MEIS3: variants seen among roughly 807,000 people sequenced by gnomAD.
MEIS3 encodes the protein Meis homeobox 3, also known as homeobox protein Meis3.
A neutral mutation model predicts 51.4 loss-of-function variants in MEIS3; 38 were observed. That is an observed-to-expected ratio of 0.74 (90% confidence interval 0.57 to 0.97). The LOEUF (loss-of-function observed/expected upper bound fraction) is 0.97. Among genes scored for constraint, MEIS3 ranks in the 50% least tolerant of loss-of-function variants. MEIS3 has a pLI of 0.00. For synonymous variants in MEIS3, 198 were observed against 201.8 expected (o/e 0.98, Z 0.16); for missense variants, 456 against 502.6 (o/e 0.91, Z 0.89).
rs1416258099 is a variant in MEIS3, at chr19:47,407,443, AAG to A, written c.859-17_859-16del. ...GGGTACGGGTGCTGCAGCCACCAGC[AAG>A]AGTCACTCTGCCTGCCTGGCCGGCC... On this transcript the variant is annotated splice_polypyrimidine_tract_variant and intron_variant, in intron 8 of 12. Transcript: ENST00000558555. 3 of 1,613,762 alleles carry A rather than the reference AAG, an allele frequency of 1.9e-6. No homozygotes were observed. The highest frequency in any genetic ancestry group is 1.7e-6 in the Non-Finnish European group (2 of 1,179,914).
Position 47,417,356 on chromosome 19 carries a change from G to C in MEIS3, c.13-6C>G, listed in dbSNP as rs761939278. On this transcript the variant is annotated splice_region_variant and splice_polypyrimidine_tract_variant and intron_variant, in intron 1 of 12. Coordinates refer to ENST00000558555, the MANE Select transcript of MEIS3 (RefSeq NM_001301059.2). ...TAGTGCGGCAGCTCATCATACTGGG[G>C]GAAGGTGAGAAGAGAAGGGCGGAGC... is the stretch of plus-strand genomic sequence containing the variant. 1.2e-6 allele frequency: 2 copies of C among 1,613,232 alleles called. No homozygotes were observed. The highest frequency in any genetic ancestry group is 1.7e-6 in the Non-Finnish European group (2 of 1,179,678).
rs745368670 is a variant in MEIS3 at position 47,409,128 on chromosome 19, T to A, written c.829A>T (p.Met277Leu). The change falls in exon 8 of 13, where the codon ATG becomes TTG. Residue 277 changes from methionine to leucine, a missense_variant. Met to Leu is a conservative substitution (Grantham distance 15). Transcript: ENST00000558555. ...GIFPKVATNIMRAWLFQHLSH... is the reference protein window; with the variant it reads ...GIFPKVATNILRAWLFQHLSH... ...AGGTGCTGGAACAACCAGGCTCGCA[T>A]GATGTTGGTGGCCACCTTGGGGAAG... 9.3e-6 allele frequency: 15 copies of A among 1,611,346 alleles called. No individual in the cohort carries two copies. In the South Asian group the frequency reaches 1.6e-4, roughly 18 times the overall value.
intron 8 of MEIS3, among the ~76,000 whole-genome samples, chr19:47,408,115 ATTTC>A (rs1301517870): frequency 2.7e-5 from 4 of 148,002 alleles, no homozygotes; most frequent in Admixed American, 6.7e-5. Context: ...CTCCCTATCC[ATTTC>A]TTTCTTTCTC....
chr19:47,414,212 A>G (rs943417003), intron 6 of MEIS3, among the ~76,000 whole-genome samples: 3 of 151,848 alleles, frequency 2.0e-5, no homozygotes, highest in African/African-American at 7.3e-5. Context: ...TCCGGGCCCA[A>G]GTGTGGTTAT....
Position 47,417,219 on chromosome 19 carries a change from C to G in MEIS3, c.144G>C (p.Leu48Phe). 2 of 1,582,706 alleles carry G rather than the reference C, an allele frequency of 1.3e-6. No individual in the cohort carries two copies. Among genetic ancestry groups the G allele is most frequent in the Non-Finnish European group, 1.7e-6 (2 of 1,166,634 alleles). ...HRPPQPLPPG[L>F]DSDGLKREKD... is the part of the protein sequence containing the mutation. ...TCTCCCTCTTCAGGCCGTCGCTGTC[C>G]AAGCCTGGGGGCAGGGGCTGGGGAG... is the stretch of plus-strand genomic sequence containing the variant. The change falls in exon 2 of 13, where the codon TTG (leucine) becomes TTC (phenylalanine). Residue 48 changes from leucine (L) to phenylalanine (F), a missense_variant. By Grantham distance (22) the Leu-to-Phe change is conservative. Transcript: ENST00000558555.
intron 5 of MEIS3, 35 bp downstream of exon 5, chr19:47,415,016 G>A (rs1971335811): frequency 2.6e-6 from 4 of 1,530,264 alleles, no homozygotes; most frequent in Admixed American, 2.0e-5. Context: ...GATGACAGGG[G>A]CAAGTGAGGG....
chr19:47,414,932 G>C, intron 5 of MEIS3, 66 bp from the exon 6 acceptor site: 1 of 1,206,666 alleles, frequency 8.3e-7, no homozygotes, highest in Non-Finnish European at 1.2e-6. Flanking sequence ...CTCAGGGACG[G>C]GGGCGGCATT....
intron 11 of MEIS3, 40 bp from the exon 12 acceptor site, chr19:47,406,566 G>C: frequency 6.2e-7 from 1 of 1,602,800 alleles, no homozygotes; most frequent in Non-Finnish European, 8.5e-7. Context: ...GCGTCTTTCA[G>C]AGACACCCCC....
chr19:47,418,365 T>G (rs1006506747), intron 1 of MEIS3: 1 of 153,236 alleles, frequency 6.5e-6, no homozygotes, highest in African/African-American at 2.4e-5. Flanking sequence ...ACTTCTCCTG[T>G]GCCCTGAAGT....
At position 47,409,556 on chromosome 19, in the gene MEIS3, CA is replaced by C. The variant is rs1421608017; in HGVS notation, c.598-10del. On this transcript the variant is annotated splice_polypyrimidine_tract_variant and intron_variant, in intron 6 of 12. Transcript: ENST00000558555. ...CGAATCCACATATTATTCTAGAAAA[CA>C]AGAGTTAGAAGTTAGTGCCAAGGCG... 1 of 1,609,050 alleles carries C rather than the reference CA, an allele frequency of 6.2e-7. No homozygotes were observed. The highest frequency in any genetic ancestry group is 8.5e-7 in the Non-Finnish European group (1 of 1,175,516).
chr19:47,420,880 TCTCTGTCTCTCG>T (rs537368848), upstream of MEIS3, among the ~76,000 whole-genome samples: 49 of 148,588 alleles, frequency 3.3e-4, no homozygotes, highest in African/African-American at 1.2e-3. Flanking sequence ...TGTCTGTCCG[TCTCTGTCTCTCG>T]CTCTCTCTCT....
At chr19:47,407,023 G>C in intron 10 of MEIS3, 52 bp from the exon 11 acceptor site, 2 of 1,583,216 alleles carry the variant, frequency 1.3e-6, no homozygotes, top group Non-Finnish European at 1.7e-6. Flanking sequence ...CCCGGGACCC[G>C]GCTTTGACGC....
At chr19:47,418,990 G>T in intron 1 of MEIS3, 80 bp downstream of exon 1, 1 of 871,602 alleles carries the variant, frequency 1.1e-6, no homozygotes, top group Middle Eastern at 2.8e-4. Context: ...GCTAATGGGG[G>T]CCAGCGCCGG....
At chr19:47,421,364 G>A (rs567988386), upstream of MEIS3, among the ~76,000 whole-genome samples, 2 of 152,212 alleles carry the variant, frequency 1.3e-5, no homozygotes, top group South Asian at 2.1e-4. Context: ...CCTGAGCACC[G>A]ACCACTGGGG....
rs756618528 is a variant in MEIS3, at chr19:47,415,043, G to A, written c.447+8C>T. ...AAGTGAGGGTGTGGGGAGGTGAGAC[G>A]CGCTCACCTTCTCCAGCTCCAGCAG... On this transcript the variant is annotated splice_region_variant and intron_variant, in intron 5 of 12. Transcript: ENST00000558555. The A allele has an allele frequency of 1.3e-5, 21 of 1,556,520 alleles. No individual in the cohort carries two copies. Among genetic ancestry groups the A allele is most frequent in the Admixed American group, 5.9e-5 (3 of 50,864 alleles).
intron 9 of MEIS3, 104 bp from the exon 10 acceptor site, chr19:47,407,241 C>A (rs1221110407): frequency 2.0e-6 from 3 of 1,485,268 alleles, no homozygotes; most frequent in Non-Finnish European, 2.7e-6. Context: ...GGAGGCAGAG[C>A]GGGGCGAGCA....
In MEIS3 at chr19:47,417,221, A is replaced by G. The variant is rs1319546093; in HGVS notation, c.142T>C (p.Leu48=). The change falls in exon 2 of 13, where the codon TTG becomes CTG. Residue 48 remains leucine, a synonymous_variant. Transcript: ENST00000558555. The part of the protein sequence containing the change: ...HRPPQPLPPG[L]DSDGLKREKD... ...TCCCTCTTCAGGCCGTCGCTGTCCA[A>G]GCCTGGGGGCAGGGGCTGGGGAGGC... 1 of 1,586,550 alleles carries G rather than the reference A, an allele frequency of 6.3e-7. No homozygotes were observed. Among genetic ancestry groups the G allele is most frequent in the South Asian group, 1.2e-5 (1 of 86,866 alleles).
chr19:47,419,772 C>T (rs1971638560), upstream of MEIS3, among the ~76,000 whole-genome samples: 1 of 151,740 alleles, frequency 6.6e-6, no homozygotes. Context: ...TCCCTCTTTC[C>T]CAGTCTCTCT....
In MEIS3 at chr19:47,403,395, A is replaced by G. The variant is rs1230491771; in HGVS notation, c.*176T>C. 1 of 454,600 alleles carries G rather than the reference A, an allele frequency of 2.2e-6. No homozygotes were observed. The highest frequency in any genetic ancestry group is 1.6e-5 in the South Asian group (1 of 64,480). 28.2% of individuals were successfully genotyped at this position (454,600 alleles called of 1,614,324 possible). A position where few individuals can be genotyped will look rare whatever the true frequency, so the allele number is the denominator to read the frequency against. On this transcript the variant is annotated 3_prime_UTR_variant, in exon 13 of 13. Coordinates refer to ENST00000558555, the MANE Select transcript of MEIS3 (RefSeq NM_001301059.2). ...CCTGGAGGCCTTGCCGGTGTCCTTG[A>G]GAGCCCTTGGATGGGCACTCAGGCC... is the stretch of plus-strand genomic sequence containing the variant.
Sources: gnomAD v4.1 joint callset for allele counts (sites outside exome capture counted in the v4.1 genomes callset) on GRCh38, gnomAD v4.1.1 for gene constraint, MANE v1.5 for transcripts, NCBI Gene and HGNC (gene_info 2026-07-23, HGNC 2026-07-21) for gene names.